HTR1F: variants seen among roughly 807,000 people sequenced by gnomAD.
The protein encoded by HTR1F is 5-hydroxytryptamine receptor 1F, also known as 5-hydroxytryptamine (serotonin) receptor 1F, G protein-coupled.
A neutral mutation model predicts 24.0 loss-of-function variants in HTR1F; 17 were observed. That is an observed-to-expected ratio of 0.71 (90% CI 0.48 to 1.06). The LOEUF is 1.06. HTR1F is among the 50% of genes least tolerant of loss of function. HTR1F has a pLI of 0.00. For missense variants in HTR1F, 391 were observed against 427.8 expected, an observed-to-expected ratio of 0.91 and a Z score of 0.76; for synonymous variants, 186 against 156.8, an observed-to-expected ratio of 1.19 and a Z score of -1.39.
intron 2 of HTR1F, among the ~76,000 whole-genome samples, chr3:87,825,133 A>C (rs1289608199): frequency 6.6e-6 from 1 of 152,198 alleles, no homozygotes; most frequent in Non-Finnish European, 1.5e-5. Flanking sequence ...TATTTGCCTT[A>C]ACAACTTTTC....
At chr3:87,885,311 C>T (rs376799741) in intron 2 of HTR1F, among the ~76,000 whole-genome samples, 11 of 152,054 alleles carry the variant, frequency 7.2e-5, no homozygotes, top group Admixed American at 2.0e-4. Context: ...AAAGACACAA[C>T]GAACCAGAAT....
chr3:87,940,361 C>G (rs1704538989), intron 2 of HTR1F, among the ~76,000 whole-genome samples: 1 of 152,098 alleles, frequency 6.6e-6, no homozygotes, highest in East Asian at 1.9e-4. Flanking sequence ...AAATAATAGA[C>G]AAACAGGGAG....
At chr3:87,851,042 A>G (rs1405469190) in intron 2 of HTR1F, among the ~76,000 whole-genome samples, 1 of 151,750 alleles carries the variant, frequency 6.6e-6, no homozygotes, top group Non-Finnish European at 1.5e-5. Flanking sequence ...TGCAGAGTTA[A>G]CCATTGCTAC....
At chr3:87,903,518 G>T (rs1427757772) in intron 2 of HTR1F, among the ~76,000 whole-genome samples, 1 of 150,976 alleles carries the variant, frequency 6.6e-6, no homozygotes, top group African/African-American at 2.4e-5. Context: ...AAAAACACAT[G>T]AAAAAATGCT....
intron 2 of HTR1F, among the ~76,000 whole-genome samples, chr3:87,939,766 T>C (rs1377137513): frequency 6.6e-6 from 1 of 152,236 alleles, no homozygotes; most frequent in East Asian, 1.9e-4. Context: ...TCTTCTTGAT[T>C]AGTCTGCTAA....
chr3:87,931,708 C>G (rs1704277421), intron 2 of HTR1F, among the ~76,000 whole-genome samples: 1 of 151,956 alleles, frequency 6.6e-6, no homozygotes, highest in Admixed American at 6.6e-5. Flanking sequence ...TCTCCAGCAG[C>G]TGTTGTTTCC....
intron 1 of HTR1F, among the ~76,000 whole-genome samples, chr3:87,817,865 G>T (rs1166979770): frequency 6.6e-6 from 1 of 152,142 alleles, no homozygotes. Flanking sequence ...TACTGACGAA[G>T]TTATGCTATA....
chr3:87,848,471 T>C (rs951777657), intron 2 of HTR1F, among the ~76,000 whole-genome samples: 1 of 151,930 alleles, frequency 6.6e-6, no homozygotes, highest in African/African-American at 2.4e-5. Context: ...GTCTCTTCAC[T>C]CTATTGTTTC....
chr3:87,912,020 C>T (rs1240737775), intron 2 of HTR1F, among the ~76,000 whole-genome samples: 2 of 152,026 alleles, frequency 1.3e-5, no homozygotes, highest in South Asian at 4.1e-4. Flanking sequence ...CAAGAATGTC[C>T]TCTATCACCA....
intron 2 of HTR1F, among the ~76,000 whole-genome samples, chr3:87,989,136 A>T (rs928946498): frequency 2.6e-4 from 40 of 152,134 alleles, no homozygotes; most frequent in Admixed American, 1.8e-3. Flanking sequence ...GGATTGATTT[A>T]AAAAAATGCT....
intron 2 of HTR1F, among the ~76,000 whole-genome samples, chr3:87,986,591 T>C (rs542130679): frequency 6.6e-6 from 1 of 152,340 alleles, no homozygotes; most frequent in South Asian, 2.1e-4. Flanking sequence ...TTTAAGCTTG[T>C]CAATTTTGCT....
At position 87,859,145 on chromosome 3, in the gene HTR1F, C is replaced by T. The variant is rs1324594321; in HGVS notation, c.-43+37021C>T. Among the ~76,000 whole-genome samples, 3 of 152,268 alleles carry T rather than the reference C, an allele frequency of 2.0e-5. No individual in the cohort carries two copies. The East Asian group carries it at 5.8e-4, about 29-fold the overall frequency. On this transcript the variant is annotated intron_variant, in intron 2 of 2. Coordinates refer to ENST00000319595, the MANE Select transcript of HTR1F (RefSeq NM_001322209.2). ...CCTGGGAGGTGGAGGTTGCAGTGAG[C>T]CAAGATCGTGCCACTGCACTCCAGC...
chr3:87,824,596 A>G (rs908301375), intron 2 of HTR1F, among the ~76,000 whole-genome samples: 2 of 152,212 alleles, frequency 1.3e-5, no homozygotes, highest in African/African-American at 4.8e-5. Context: ...AACCTTGTGA[A>G]TGAAAGAATG....
chr3:87,955,137 G>T (rs1309593050), intron 2 of HTR1F, among the ~76,000 whole-genome samples: 1 of 151,300 alleles, frequency 6.6e-6, no homozygotes, highest in African/African-American at 2.4e-5. Flanking sequence ...TGTATATCCT[G>T]AAGCCACCAC....
chr3:87,864,781 C>T (rs940238851), intron 2 of HTR1F, among the ~76,000 whole-genome samples: 20 of 151,294 alleles, frequency 1.3e-4, no homozygotes, highest in African/African-American at 3.2e-4. Flanking sequence ...CTGTAATCCC[C>T]GCTACTTGGG....
intron 2 of HTR1F, among the ~76,000 whole-genome samples, chr3:87,981,013 C>A (rs1036118841): frequency 3.3e-5 from 5 of 152,042 alleles, no homozygotes; most frequent in Non-Finnish European, 5.9e-5. Context: ...GTGGGGCTCC[C>A]ACCCCACCAA....
intron 2 of HTR1F, among the ~76,000 whole-genome samples, chr3:87,848,998 G>A (rs1705013787): frequency 6.6e-6 from 1 of 151,498 alleles, no homozygotes; most frequent in African/African-American, 2.4e-5. Context: ...CTCATGGGTA[G>A]GAAGAATCAA....
At chr3:87,969,418 C>A (rs1705239082) in intron 2 of HTR1F, among the ~76,000 whole-genome samples, 1 of 152,182 alleles carries the variant, frequency 6.6e-6, no homozygotes, top group Non-Finnish European at 1.5e-5. Context: ...TCAGCATGAC[C>A]TGGATGTGAG....
intron 2 of HTR1F, among the ~76,000 whole-genome samples, chr3:87,830,973 G>A (rs1197343594): frequency 2.0e-5 from 3 of 152,110 alleles, no homozygotes; most frequent in South Asian, 2.1e-4. Flanking sequence ...ATAATATTAC[G>A]TGGAGTTCCA....
Sources: gnomAD v4.1 joint callset for allele counts (sites outside exome capture counted in the v4.1 genomes callset) on GRCh38, gnomAD v4.1.1 for gene constraint, MANE v1.5 for transcripts, NCBI Gene and HGNC (gene_info 2026-07-23, HGNC 2026-07-21) for gene names.